ZNF627: variants seen among roughly 807,000 people sequenced by gnomAD.
The protein encoded by ZNF627 is zinc finger protein 627.
A neutral mutation model predicts 10.6 loss-of-function variants in ZNF627; 12 were observed. The observed-to-expected ratio is 1.13, with a 90% CI of 0.73 to 1.84. The LOEUF (loss-of-function observed/expected upper bound fraction) is 1.84, where lower values mean the gene tolerates loss of function less well. ZNF627 is among the 40% of genes most tolerant of loss of function. The pLI is 0.00. For synonymous variants in ZNF627, 176 were observed against 187.1 expected (o/e 0.94, Z 0.48); for missense variants, 504 against 568.4 (o/e 0.89, Z 1.15).
chr19:11,614,745 A>G (rs1171023875), intron 2 of ZNF627, 82 bp from the exon 3 acceptor site: 1 of 1,602,648 alleles, frequency 6.2e-7, no homozygotes, highest in Admixed American at 1.7e-5. Context: ...GCATGGGTAC[A>G]GGGAATTATG....
rs1599666823 is a variant in ZNF627 at position 11,617,990 on chromosome 19, G to A, written c.*101G>A. ...TCAACTACGTGAAAGGATTCACAGT[G>A]GAGAAAGACCCTGTAAGATAATTGG... On this transcript the variant is annotated 3_prime_UTR_variant, in exon 4 of 4. Coordinates refer to ENST00000361113, the MANE Select transcript of ZNF627 (RefSeq NM_145295.4). 3 of 986,898 alleles carry A rather than the reference G, an allele frequency of 3.0e-6. No homozygotes were observed. Among genetic ancestry groups the A allele is most frequent in the Admixed American group, 5.7e-5 (2 of 34,836 alleles). 61.1% of individuals were successfully genotyped at this position (986,898 alleles called of 1,614,324 possible). A position where few individuals can be genotyped will look rare whatever the true frequency, so the allele number is the denominator to read the frequency against.
intron 1 of ZNF627, among the ~76,000 whole-genome samples, chr19:11,602,681 A>G (rs1973608329): frequency 6.6e-6 from 1 of 152,192 alleles, no homozygotes; most frequent in South Asian, 2.1e-4. Context: ...GTCAGAATTG[A>G]TTTGAATGCT....
chr19:11,598,779 C>T (rs187981153), intron 1 of ZNF627, among the ~76,000 whole-genome samples: 10 of 152,328 alleles, frequency 6.6e-5, no homozygotes, highest in Admixed American at 1.3e-4. Flanking sequence ...TGTTTCTGAA[C>T]ATTTCACAGG....
intron 1 of ZNF627, 152 bp from the exon 2 acceptor site, chr19:11,614,375 T>C: frequency 8.1e-7 from 1 of 1,242,168 alleles, no homozygotes; most frequent in Non-Finnish European, 1.1e-6. Flanking sequence ...TGGAAGGAAG[T>C]GAGTCTAGAC....
chr19:11,600,740 G>A (rs1473995238), intron 1 of ZNF627, among the ~76,000 whole-genome samples: 2 of 152,160 alleles, frequency 1.3e-5, no homozygotes, highest in African/African-American at 2.4e-5. Flanking sequence ...TTCTCTTCCT[G>A]TTATCTAGAC....
intron 1 of ZNF627, among the ~76,000 whole-genome samples, chr19:11,611,939 G>A (rs1310901301): frequency 1.3e-5 from 2 of 152,058 alleles, no homozygotes; most frequent in African/African-American, 2.4e-5. Flanking sequence ...CACTTAGCAT[G>A]AGTGACTCCA....
In ZNF627 at chr19:11,618,257, G is replaced by GT. The variant is rs1241574901; in HGVS notation, c.*369dup. 2 of 183,672 alleles carry GT rather than the reference G, an allele frequency of 1.1e-5. No individual in the cohort carries two copies. The highest frequency in any genetic ancestry group is 2.2e-5 in the Non-Finnish European group (2 of 89,596). 11.4% of individuals were successfully genotyped at this position (183,672 alleles called of 1,614,324 possible). A position where few individuals can be genotyped will look rare whatever the true frequency, so the allele number is the denominator to read the frequency against. The stretch of plus-strand genomic sequence containing the variant: ...GGAGACAGCTGTGTGAATACAGGCT[G>GT]TATGGACACTTGCTTCCATCCCATT... On this transcript the variant is annotated 3_prime_UTR_variant, in exon 4 of 4. Coordinates refer to ENST00000361113, the MANE Select transcript of ZNF627 (RefSeq NM_145295.4).
At chr19:11,606,438 T>C (rs1973676435) in intron 1 of ZNF627, among the ~76,000 whole-genome samples, 1 of 152,224 alleles carries the variant, frequency 6.6e-6, no homozygotes, top group African/African-American at 2.4e-5. Context: ...TGGGCACCTC[T>C]GCCCCTGTGG....
At chr19:11,605,080 C>CTTTTTTTTTTTTTTTTTTTT (rs1006143184) in intron 1 of ZNF627, among the ~76,000 whole-genome samples, 3 of 105,912 alleles carry the variant, frequency 2.8e-5, no homozygotes, top group Non-Finnish European at 3.7e-5. Flanking sequence ...TTCTTTCTTT[C>CTTTTTTTTTTTTTTTTTTTT]TTTTTTTTTT....
At chr19:11,598,364 C>G (rs185627956) in intron 1 of ZNF627, among the ~76,000 whole-genome samples, 2 of 152,204 alleles carry the variant, frequency 1.3e-5, no homozygotes, top group East Asian at 3.9e-4. Flanking sequence ...GAGACCCCAT[C>G]TCTGTTAATT....
Position 11,617,524 on chromosome 19 carries a change from G to A in ZNF627, c.1021G>A (p.Gly341Arg). The A allele has an allele frequency of 1.9e-6, 3 of 1,613,728 alleles. No individual in the cohort carries two copies. Among genetic ancestry groups the A allele is most frequent in the Non-Finnish European group, 2.5e-6 (3 of 1,179,976 alleles). ...GNGPYKCKVCGKAFDFPSSFR... is the reference protein window; with the variant it reads ...GNGPYKCKVCRKAFDFPSSFR... Reference sequence around the variant, plus strand: ...TGGACCTTATAAATGTAAGGTGTGTGGGAAAGCCTTTGATTTCCCCAGTTC... The same window carrying A: ...TGGACCTTATAAATGTAAGGTGTGTAGGAAAGCCTTTGATTTCCCCAGTTC... The change falls in exon 4 of 4, where the codon GGG (glycine) becomes AGG (arginine). Residue 341 changes from glycine to arginine, a missense_variant. By Grantham distance (125) the Gly-to-Arg change is moderately radical. Coordinates refer to ENST00000361113, the MANE Select transcript of ZNF627 (RefSeq NM_145295.4).
chr19:11,602,770 A>C (rs1973609668), intron 1 of ZNF627, among the ~76,000 whole-genome samples: 2 of 152,228 alleles, frequency 1.3e-5, no homozygotes, highest in Admixed American at 6.5e-5. Context: ...GTATATGAAA[A>C]AAGACACTAG....
rs775448993 is a variant in ZNF627, at chr19:11,617,035, T to C, written c.532T>C (p.Ser178Pro). 3.1e-6 allele frequency: 5 copies of C among 1,614,018 alleles called. No homozygotes were observed. The highest frequency in any genetic ancestry group is 2.5e-6 in the Non-Finnish European group (3 of 1,179,974). The change falls in exon 4 of 4, where the codon TCT becomes CCT. Residue 178 changes from serine to proline, a missense_variant. Physicochemically the swap from Ser to Pro is moderately conservative, Grantham distance 74. Coordinates refer to ENST00000361113, the MANE Select transcript of ZNF627 (RefSeq NM_145295.4). ...DCKECGETFISLVSIRRHMLT... is the reference protein window; with the variant it reads ...DCKECGETFIPLVSIRRHMLT... ...TAAGGAATGTGGAGAAACCTTTATT[T>C]CTCTTGTAAGCATTCGAAGACACAT...
Position 11,618,174 on chromosome 19 carries a change from C to G in ZNF627, c.*285C>G. The G allele has an allele frequency of 2.9e-6, 1 of 345,112 alleles. No individual in the cohort carries two copies. Among genetic ancestry groups the G allele is most frequent in the Non-Finnish European group, 5.2e-6 (1 of 192,110 alleles). 21.4% of individuals were successfully genotyped at this position (345,112 alleles called of 1,614,324 possible). A position where few individuals can be genotyped will look rare whatever the true frequency, so the allele number is the denominator to read the frequency against. On this transcript the variant is annotated 3_prime_UTR_variant, in exon 4 of 4. Coordinates refer to ENST00000361113, the MANE Select transcript of ZNF627 (RefSeq NM_145295.4). ...TACAATTCACCAGTAACCTATCTTA[C>G]ATGAGATTCGGAAGTAAGTTAAGAA...
At chr19:11,599,394 A>G (rs1489798697) in intron 1 of ZNF627, among the ~76,000 whole-genome samples, 3 of 152,182 alleles carry the variant, frequency 2.0e-5, no homozygotes, top group African/African-American at 7.2e-5. Context: ...GAGGGGAAAA[A>G]CAGATATGAT....
intron 1 of ZNF627, among the ~76,000 whole-genome samples, chr19:11,598,439 C>G (rs1372853251): frequency 6.6e-6 from 1 of 152,062 alleles, no homozygotes; most frequent in African/African-American, 2.4e-5. Flanking sequence ...AATATAAAAT[C>G]AAATAAAAGA....
In ZNF627 at chr19:11,618,437, C is replaced by T. The variant is rs904494537; in HGVS notation, c.*548C>T. 1.3e-5 allele frequency: 2 copies of T among 152,978 alleles called. No individual in the cohort carries two copies. The highest frequency in any genetic ancestry group is 2.9e-5 in the Non-Finnish European group (2 of 68,640). The allele number at this position is 152,978 out of a possible 1,614,324, so 9.5% of individuals were successfully genotyped here. Reference sequence around the variant, plus strand: ...TCCTTCAGACATTATTATGTCTGTACTAGGCAACTAATTCAGACTGTCCTG... The same window carrying T: ...TCCTTCAGACATTATTATGTCTGTATTAGGCAACTAATTCAGACTGTCCTG... On this transcript the variant is annotated 3_prime_UTR_variant, in exon 4 of 4. Transcript: ENST00000361113.
rs769588731 is a variant in ZNF627 at position 11,617,419 on chromosome 19, CTT to C, written c.920_921del (p.Phe307Ter). ...CGAGAGGACTCACACCGGAGAGAAA[CTT>C]TTTGAATGTAAGGAATGCGGGAAGG... is the stretch of plus-strand genomic sequence containing the variant. ...SHERTHTGEK[L>X]FECKECGKAL... On this transcript the variant is annotated frameshift_variant, in exon 4 of 4. Coordinates refer to ENST00000361113, the MANE Select transcript of ZNF627 (RefSeq NM_145295.4). LOFTEE classifies it low-confidence loss of function (END_TRUNC). 28 of 1,613,834 alleles carry C rather than the reference CTT, an allele frequency of 1.7e-5. No individual in the cohort carries two copies. Among genetic ancestry groups the C allele is most frequent in the Non-Finnish European group, 2.2e-5 (26 of 1,180,032 alleles).
At chr19:11,606,892 G>A (rs905718625) in intron 1 of ZNF627, among the ~76,000 whole-genome samples, 1 of 152,218 alleles carries the variant, frequency 6.6e-6, no homozygotes, top group Non-Finnish European at 1.5e-5. Context: ...AATGGCTGGA[G>A]TGGCTGGGCA....
Sources: allele counts gnomAD v4.1 joint callset (sites outside exome capture counted in the v4.1 genomes callset), GRCh38; gene constraint gnomAD v4.1.1; transcripts MANE v1.5; gene names NCBI Gene and HGNC (gene_info 2026-07-23, HGNC 2026-07-21).